Variants in FOXP1 observed in about 807,000 individuals in gnomAD.
The protein encoded by FOXP1 is forkhead box protein P1.
FOXP1 carries 15 observed loss-of-function variants against 98.2 expected under a neutral mutation model. The ratio of observed to expected loss-of-function variants is 0.15; its 90% CI spans 0.10 to 0.24. The LOEUF is 0.24. Among genes scored for constraint, FOXP1 ranks in the 10% least tolerant of loss-of-function variants. The probability of loss-of-function intolerance (pLI) is 1.00; values close to 1 mark genes in which losing one functional copy is unlikely to be tolerated. For missense variants in FOXP1, 633 were observed against 848.5 expected, an observed-to-expected ratio of 0.75 and a Z score of 3.15; for synonymous variants, 371 against 314.5, an observed-to-expected ratio of 1.18 and a Z score of -1.90.
intron 7 of FOXP1, among the ~76,000 whole-genome samples, chr3:71,104,006 C>G (rs1052090942): frequency 3.3e-5 from 5 of 152,074 alleles, no homozygotes; most frequent in Non-Finnish European, 7.3e-5. Flanking sequence ...TTGATGATCA[C>G]TATTTTGGTT....
chr3:71,468,461 G>T (rs977257167), intron 3 of FOXP1, among the ~76,000 whole-genome samples: 1 of 152,088 alleles, frequency 6.6e-6, no homozygotes, highest in Admixed American at 6.5e-5. Flanking sequence ...CCTGCTCTTC[G>T]ACACGTGATA....
At chr3:71,081,825 T>C (rs761735983) in intron 7 of FOXP1, among the ~76,000 whole-genome samples, 6 of 152,238 alleles carry the variant, frequency 3.9e-5, no homozygotes, top group Admixed American at 1.3e-4. Context: ...CAGGGCTGAA[T>C]TGTCCAACAG....
In FOXP1 at chr3:71,204,362, C is replaced by T. The variant is rs183858184; in HGVS notation, c.-11-5970G>A. On this transcript the variant is annotated intron_variant, in intron 5 of 20. Coordinates refer to ENST00000649528, the MANE Select transcript of FOXP1 (RefSeq NM_001349338.3). ...GAGTTTTAAGCAGTGGGGTGCAGCTCCACAGACTTTTTTCCCCTAGTAGGC... is the reference window on the plus strand; with the variant it reads ...GAGTTTTAAGCAGTGGGGTGCAGCTTCACAGACTTTTTTCCCCTAGTAGGC... Among the ~76,000 whole-genome samples, 75 of 152,280 alleles carry T rather than the reference C, an allele frequency of 4.9e-4. 1 individual carries two copies. The highest frequency in any genetic ancestry group is 1.7e-3 in the African/African-American group (72 of 41,562).
chr3:71,226,448 CCGG>C (rs2065840283), intron 5 of FOXP1, among the ~76,000 whole-genome samples: 1 of 106,860 alleles, frequency 9.4e-6, no homozygotes, highest in Non-Finnish European at 2.5e-5. Context: ...TCAACTCCAC[CCGG>C]CAGCCATCCT....
At chr3:71,162,477 TGTTAAGATG>T (rs1476122083) in intron 6 of FOXP1, among the ~76,000 whole-genome samples, 1 of 152,222 alleles carries the variant, frequency 6.6e-6, no homozygotes, top group Non-Finnish European at 1.5e-5. Flanking sequence ...AGACATCCAA[TGTTAAGATG>T]GTTAAGACTT....
chr3:71,154,742 G>A (rs923696573), intron 6 of FOXP1, among the ~76,000 whole-genome samples: 3 of 152,198 alleles, frequency 2.0e-5, no homozygotes, highest in Non-Finnish European at 4.4e-5. Context: ...TTTTGGGATT[G>A]TTGTGAGGAT....
intron 6 of FOXP1, among the ~76,000 whole-genome samples, chr3:71,163,019 A>G (rs976876719): frequency 6.6e-6 from 1 of 152,252 alleles, no homozygotes; most frequent in African/African-American, 2.4e-5. Flanking sequence ...TGTTCCATCT[A>G]AAATGTGTTT....
chr3:71,282,179 T>C (rs2071641757), intron 5 of FOXP1, among the ~76,000 whole-genome samples: 2 of 152,104 alleles, frequency 1.3e-5, no homozygotes, highest in South Asian at 4.1e-4. Flanking sequence ...CCTTACTCTC[T>C]GGTGGCACGT....
chr3:71,074,074 A>T (rs1353395219), intron 7 of FOXP1, among the ~76,000 whole-genome samples: 1 of 152,222 alleles, frequency 6.6e-6, no homozygotes, highest in Non-Finnish European at 1.5e-5. Context: ...GTGCCTGGTA[A>T]CAAGATGGCT....
chr3:71,412,161 G>A (rs2031848752), intron 3 of FOXP1, among the ~76,000 whole-genome samples: 1 of 152,154 alleles, frequency 6.6e-6, no homozygotes, highest in South Asian at 2.1e-4. Context: ...ACCCTTAAGA[G>A]GGACAGGTCG....
chr3:71,407,296 T>C (rs564605361), intron 3 of FOXP1, among the ~76,000 whole-genome samples: 69 of 152,282 alleles, frequency 4.5e-4, no homozygotes, highest in Non-Finnish European at 8.4e-4. Context: ...GGGTTGTTTT[T>C]TGGAGGCTGG....
chr3:71,143,814 C>T (rs990763077), intron 6 of FOXP1, among the ~76,000 whole-genome samples: 1 of 152,182 alleles, frequency 6.6e-6, no homozygotes, highest in African/African-American at 2.4e-5. Flanking sequence ...ACGACGATTA[C>T]TTTTACCACT....
intron 7 of FOXP1, among the ~76,000 whole-genome samples, chr3:71,071,211 G>C (rs1029451389): frequency 6.6e-6 from 1 of 152,168 alleles, no homozygotes; most frequent in African/African-American, 2.4e-5. Context: ...GGGTGGGAGA[G>C]GGAGGTTGAG....
chr3:71,473,035 T>C (rs2089499112), intron 3 of FOXP1, among the ~76,000 whole-genome samples: 1 of 152,196 alleles, frequency 6.6e-6, no homozygotes, highest in Admixed American at 6.5e-5. Context: ...GAACTAAGAT[T>C]TGAACACATA....
intron 2 of FOXP1, among the ~76,000 whole-genome samples, chr3:71,537,312 T>C (rs1578073636): frequency 6.6e-6 from 1 of 152,064 alleles, no homozygotes; most frequent in East Asian, 1.9e-4. Flanking sequence ...CCAGAAGGAG[T>C]GAGTCACGAG....
Position 71,519,212 on chromosome 3 carries a change from C to T in FOXP1, c.-297-25657G>A, listed in dbSNP as rs575453551. On this transcript the variant is annotated intron_variant, in intron 2 of 20. Coordinates refer to ENST00000649528, the MANE Select transcript of FOXP1 (RefSeq NM_001349338.3). ...AGTGAGCCGAGATTGTGCCACTGCA[C>T]TCCAGCCTGGGTGGTAGAGGGAGAC... Among the ~76,000 whole-genome samples, 8 of 152,354 alleles carry T rather than the reference C, an allele frequency of 5.3e-5. 1 individual carries two copies. The South Asian group carries it at 6.2e-4, about 12-fold the overall frequency.
At chr3:71,142,851 A>G (rs1478272034) in intron 6 of FOXP1, among the ~76,000 whole-genome samples, 3 of 152,234 alleles carry the variant, frequency 2.0e-5, no homozygotes, top group Admixed American at 1.3e-4. Context: ...ACACGCAGAA[A>G]AAGAGATGAA....
intron 5 of FOXP1, among the ~76,000 whole-genome samples, chr3:71,219,011 A>G (rs2065153833): frequency 6.6e-6 from 1 of 152,208 alleles, no homozygotes; most frequent in Admixed American, 6.5e-5. Flanking sequence ...AAGCTCTGAA[A>G]TCAAGCTAGC....
chr3:71,581,438 A>G (rs2048160773), intron 2 of FOXP1, 111 bp downstream of exon 2: 1 of 985,494 alleles, frequency 1.0e-6, no homozygotes. Context: ...CCGGTGCCTT[A>G]TCGCTAGGCT....
Sources: gnomAD v4.1 joint callset for allele counts (sites outside exome capture counted in the v4.1 genomes callset) on GRCh38, gnomAD v4.1.1 for gene constraint, MANE v1.5 for transcripts, NCBI Gene and HGNC (gene_info 2026-07-23, HGNC 2026-07-21) for gene names.